The following SLC9A9 variants were observed in gnomAD, a reference collection of about 807,000 sequenced individuals.
SLC9A9 encodes the protein sodium/hydrogen exchanger 9.
A neutral mutation model predicts 77.8 loss-of-function variants in SLC9A9; 62 were observed. That is an observed-to-expected ratio of 0.80 (90% CI 0.65 to 0.98). SLC9A9 has a LOEUF of 0.98. Among genes scored for constraint, SLC9A9 ranks in the 50% least tolerant of loss-of-function variants. SLC9A9 has a pLI of 0.00. For missense variants in SLC9A9, 775 were observed against 774.9 expected (o/e 1.00, Z 0.00); for synonymous variants, 320 against 283.5 (o/e 1.13, Z -1.29).
intron 14 of SLC9A9, among the ~76,000 whole-genome samples, chr3:143,285,987 T>C (rs1050379386): frequency 6.6e-6 from 1 of 152,046 alleles, no homozygotes; most frequent in African/African-American, 2.4e-5. Context: ...TGAGGAAGTA[T>C]GGGATGTGGT....
chr3:143,774,361 T>C (rs2007623599), intron 4 of SLC9A9, among the ~76,000 whole-genome samples: 1 of 152,246 alleles, frequency 6.6e-6, no homozygotes, highest in Admixed American at 6.5e-5. Flanking sequence ...TTTATTATTA[T>C]GCTACCTAAC....
At chr3:143,436,926 T>A (rs555509136) in intron 12 of SLC9A9, among the ~76,000 whole-genome samples, 4 of 152,216 alleles carry the variant, frequency 2.6e-5, no homozygotes, top group Non-Finnish European at 5.9e-5. Flanking sequence ...CACTTTCTTC[T>A]CAAGGCCTTC....
At chr3:143,722,796 A>G (rs1038370128) in intron 4 of SLC9A9, among the ~76,000 whole-genome samples, 4 of 152,006 alleles carry the variant, frequency 2.6e-5, no homozygotes, top group Admixed American at 6.6e-5. Flanking sequence ...TTTTCTATTT[A>G]TTTACCTGTT....
chr3:143,804,665 A>T (rs2008662232), intron 2 of SLC9A9, among the ~76,000 whole-genome samples: 1 of 152,034 alleles, frequency 6.6e-6, no homozygotes, highest in African/African-American at 2.4e-5. Flanking sequence ...CCCAAAATTC[A>T]ATTTGCAAAT....
At chr3:143,557,042 T>C (rs2036995483) in intron 8 of SLC9A9, among the ~76,000 whole-genome samples, 1 of 152,180 alleles carries the variant, frequency 6.6e-6, no homozygotes, top group Admixed American at 6.5e-5. Flanking sequence ...TCATCTTGAA[T>C]TGTGGTTCTC....
At chr3:143,536,374 C>A (rs1191107272) in intron 9 of SLC9A9, among the ~76,000 whole-genome samples, 1 of 152,134 alleles carries the variant, frequency 6.6e-6, no homozygotes, top group African/African-American at 2.4e-5. Context: ...AATAATAGCC[C>A]GCTGGTTATT....
At chr3:143,549,387 C>T (rs1691213127) in intron 9 of SLC9A9, among the ~76,000 whole-genome samples, 1 of 151,528 alleles carries the variant, frequency 6.6e-6, no homozygotes. Context: ...TGTGTATGTA[C>T]ATATTATAAG....
intron 2 of SLC9A9, among the ~76,000 whole-genome samples, chr3:143,798,922 C>T (rs1233821082): frequency 6.6e-6 from 1 of 152,142 alleles, no homozygotes; most frequent in Admixed American, 6.5e-5. Flanking sequence ...CCCCTCCTCC[C>T]CAGGCTGCTC....
At chr3:143,359,735 G>A (rs1443164609) in intron 14 of SLC9A9, among the ~76,000 whole-genome samples, 1 of 152,166 alleles carries the variant, frequency 6.6e-6, no homozygotes, top group Non-Finnish European at 1.5e-5. Flanking sequence ...TTGGTGTCTG[G>A]TTTGTACTTC....
Position 143,345,980 on chromosome 3 carries a change from G to C in SLC9A9, c.1604+17504C>G, listed in dbSNP as rs547408183. ...CTAATACAGCTTGTCTATAGAAGGAGGAAAATAAATGTCCTCTTTAAAGCT... is the reference window on the plus strand; with the variant it reads ...CTAATACAGCTTGTCTATAGAAGGACGAAAATAAATGTCCTCTTTAAAGCT... On this transcript the variant is annotated intron_variant, in intron 14 of 15. Coordinates refer to ENST00000316549, the MANE Select transcript of SLC9A9 (RefSeq NM_173653.4). 9.0e-4 allele frequency among the ~76,000 whole-genome samples: 137 copies of C among 152,154 alleles called. 1 individual carries two copies. The highest frequency in any genetic ancestry group is 3.2e-3 in the African/African-American group (133 of 41,518).
intron 4 of SLC9A9, among the ~76,000 whole-genome samples, chr3:143,718,135 C>T (rs975459208): frequency 2.0e-5 from 3 of 150,348 alleles, no homozygotes; most frequent in Admixed American, 6.6e-5. Flanking sequence ...CCATTTCATA[C>T]GAATTGGCAC....
chr3:143,517,503 C>T, intron 9 of SLC9A9: 1 of 1,597,758 alleles, frequency 6.3e-7, no homozygotes, highest in Admixed American at 1.7e-5. Context: ...TCTCGCTCTT[C>T]ACGTTTTCGC....
chr3:143,386,682 A>T (rs2033434577), intron 12 of SLC9A9, among the ~76,000 whole-genome samples: 1 of 152,162 alleles, frequency 6.6e-6, no homozygotes, highest in African/African-American at 2.4e-5. Flanking sequence ...AAGCCCTCCT[A>T]GTCCTTGTTT....
Position 143,408,925 on chromosome 3 carries a change from C to T in SLC9A9, c.1470-26811G>A, listed in dbSNP as rs528386892. Reference sequence around the variant, plus strand: ...CCAGGAAACATGGGAACTGACTTTACAAAAGATCTGCATAAAAATAAAAGG... The same window carrying T: ...CCAGGAAACATGGGAACTGACTTTATAAAAGATCTGCATAAAAATAAAAGG... On this transcript the variant is annotated intron_variant, in intron 12 of 15. Transcript: ENST00000316549. 9.2e-5 allele frequency among the ~76,000 whole-genome samples: 14 copies of T among 152,202 alleles called. No homozygotes were observed. In the South Asian group the frequency reaches 2.7e-3, roughly 29 times the overall value.
intron 4 of SLC9A9, among the ~76,000 whole-genome samples, chr3:143,736,692 A>T (rs1934949253): frequency 2.6e-5 from 4 of 152,210 alleles, no homozygotes; most frequent in Admixed American, 2.6e-4. Flanking sequence ...ATAAATGACT[A>T]TGGTAGGTAA....
chr3:143,349,113 A>C (rs148932605), intron 14 of SLC9A9, among the ~76,000 whole-genome samples: 4,421 of 152,314 alleles, frequency 0.029, 82 homozygotes, highest in South Asian at 0.074. Context: ...CTCTGCCCCC[A>C]GCTACTGGCA....
At chr3:143,582,586 C>A (rs757625694) in intron 6 of SLC9A9, among the ~76,000 whole-genome samples, 22 of 152,150 alleles carry the variant, frequency 1.4e-4, no homozygotes, top group Non-Finnish European at 1.8e-4. Context: ...TGCATAAGAA[C>A]AACAGGGTGT....
At chr3:143,423,280 C>CAT (rs1458768094) in intron 12 of SLC9A9, among the ~76,000 whole-genome samples, 1 of 150,556 alleles carries the variant, frequency 6.6e-6, no homozygotes, top group Non-Finnish European at 1.5e-5. Flanking sequence ...CACACACACA[C>CAT]ACACACACAG....
intron 6 of SLC9A9, among the ~76,000 whole-genome samples, chr3:143,634,572 T>A (rs1458192659): frequency 6.6e-6 from 1 of 152,138 alleles, no homozygotes; most frequent in Non-Finnish European, 1.5e-5. Flanking sequence ...TTATTTTATA[T>A]CTCTTCTATA....
Sources: allele counts gnomAD v4.1 joint callset (sites outside exome capture counted in the v4.1 genomes callset), GRCh38; gene constraint gnomAD v4.1.1; transcripts MANE v1.5; gene names NCBI Gene and HGNC (gene_info 2026-07-23, HGNC 2026-07-21).